PTPN21: variants seen among roughly 807,000 people sequenced by gnomAD.
PTPN21 encodes the protein protein tyrosine phosphatase non-receptor type 21, also known as tyrosine-protein phosphatase non-receptor type 21.
A neutral mutation model predicts 131.8 loss-of-function variants in PTPN21; 77 were observed. The ratio of observed to expected loss-of-function variants is 0.58; its 90% confidence interval spans 0.49 to 0.71. The LOEUF is 0.71. Ranked by LOEUF, PTPN21 falls within the 30% of genes least tolerant of loss-of-function variation. The pLI, the probability that PTPN21 is intolerant of heterozygous loss-of-function variation, is 0.00. For missense variants in PTPN21, 1,552 were observed against 1,527.1 expected (o/e 1.02, Z -0.27); for synonymous variants, 715 against 621.3 (o/e 1.15, Z -2.24).
intron 2 of PTPN21, among the ~76,000 whole-genome samples, chr14:88,533,384 T>C (rs2139342838): frequency 6.6e-6 from 1 of 152,336 alleles, no homozygotes; most frequent in African/African-American, 2.4e-5. Flanking sequence ...ATAGTGATGT[T>C]GTAGTTGCTA....
chr14:88,477,140 C>T (rs1213541606), intron 13 of PTPN21, among the ~76,000 whole-genome samples: 1 of 151,618 alleles, frequency 6.6e-6, no homozygotes, highest in Non-Finnish European at 1.5e-5. Flanking sequence ...TATCCTGAAT[C>T]ACTGCTCCCT....
In PTPN21 at chr14:88,479,893, C is replaced by G. The variant is rs1257576310; in HGVS notation, c.1538G>C (p.Ser513Thr). The G allele has an allele frequency of 1.3e-6, 2 of 1,592,114 alleles. No homozygotes were observed. The highest frequency in any genetic ancestry group is 1.3e-5 in the African/African-American group (1 of 74,902). Residue 513 changes from serine (S) to threonine (T), a missense_variant, in exon 13 of 19, where the codon AGC (serine) becomes ACC (threonine). Ser to Thr is a moderately conservative substitution (Grantham distance 58). Around this residue, in one of 4 missense-constraint regions of PTPN21, gnomAD observed 1,016 missense variants for 883.5 expected, o/e 1.15. Transcript: ENST00000556564. ...PSPAAAHCPF[S>T]LSYSFHSPSP... Reference sequence around the variant, plus strand: ...CGGGCTGTGGAAGCTGTAGCTCAGGCTGAACGGGCAGTGTGCGGCCGCTGG... The same window carrying G: ...CGGGCTGTGGAAGCTGTAGCTCAGGGTGAACGGGCAGTGTGCGGCCGCTGG...
At chr14:88,548,746 T>C (rs1172360992) in intron 2 of PTPN21, among the ~76,000 whole-genome samples, 9 of 152,150 alleles carry the variant, frequency 5.9e-5, no homozygotes, top group African/African-American at 1.9e-4. Flanking sequence ...AAGAACCAGG[T>C]AGCCAAAGGT....
chr14:88,479,168 G>A lies in PTPN21; in HGVS notation c.2263C>T (p.Leu755=), dbSNP rs1357156263. Residue 755 remains leucine (L), a synonymous_variant, in exon 13 of 19, where the codon CTG becomes TTG. Transcript: ENST00000556564. ...GCPRVLLAGP[L]HILEPKAHVP... ...TGGGCCTTGGGCTCCAGGATGTGCA[G>A]GGGCCCGGCGAGCAGGACGCGAGGG... The A allele has an allele frequency of 1.9e-6, 3 of 1,551,750 alleles. No homozygotes were observed. Among genetic ancestry groups the A allele is most frequent in the Non-Finnish European group, 1.7e-6 (2 of 1,152,740 alleles).
intron 2 of PTPN21, among the ~76,000 whole-genome samples, chr14:88,545,743 A>G (rs1244317072): frequency 6.6e-6 from 1 of 152,126 alleles, no homozygotes; most frequent in Admixed American, 6.5e-5. Context: ...CAGACGGATC[A>G]TGAGGTCAGG....
rs752786666 is a variant in PTPN21 at position 88,479,720 on chromosome 14, G to T, written c.1711C>A (p.Pro571Thr). The T allele has an allele frequency of 5.3e-6, 8 of 1,514,762 alleles. No individual in the cohort carries two copies. Among genetic ancestry groups the T allele is most frequent in the Admixed American group, 2.1e-5 (1 of 47,828 alleles). The allele number at this position is 1,514,762 out of a possible 1,614,324, so 93.8% of individuals were successfully genotyped here. ...QVYRPPPPYP[P>T]PRPANSTPDL... The stretch of plus-strand genomic sequence containing the variant: ...GGCGTGCTGTTGGCGGGCCTGGGGG[G>T]CGGGTAGGGTGGGGGTGGCCGGTAC... Residue 571 changes from proline to threonine, a missense_variant, in exon 13 of 19, where the codon CCC becomes ACC. Pro to Thr is a conservative substitution (Grantham distance 38). Transcript: ENST00000556564.
At chr14:88,539,244 C>T (rs575805475) in intron 2 of PTPN21, among the ~76,000 whole-genome samples, 14 of 145,748 alleles carry the variant, frequency 9.6e-5, no homozygotes, top group South Asian at 2.3e-4. Context: ...CCACCACGCC[C>T]GGTTAATTTT....
At chr14:88,473,944 C>T in intron 13 of PTPN21, 142 bp from the exon 14 acceptor site, 2 of 639,188 alleles carry the variant, frequency 3.1e-6, no homozygotes, top group East Asian at 3.0e-5. Flanking sequence ...CACTCCTTCA[C>T]ACACCACTTG....
chr14:88,523,936 A>G (rs1179722053), intron 2 of PTPN21, among the ~76,000 whole-genome samples: 3 of 152,230 alleles, frequency 2.0e-5, no homozygotes, highest in African/African-American at 7.2e-5. Flanking sequence ...GTGAAAAGGC[A>G]TATACTGAAC....
intron 2 of PTPN21, among the ~76,000 whole-genome samples, chr14:88,527,673 C>A (rs1463571162): frequency 6.6e-6 from 1 of 152,042 alleles, no homozygotes; most frequent in Non-Finnish European, 1.5e-5. Context: ...TAAATCTCAT[C>A]TATTTTTGTT....
rs774997589 is a variant in PTPN21, at chr14:88,479,583, C to T, written c.1848G>A (p.Ser616=). 26 of 1,592,712 alleles carry T rather than the reference C, an allele frequency of 1.6e-5. No individual in the cohort carries two copies. Among genetic ancestry groups the T allele is most frequent in the East Asian group, 1.3e-4 (6 of 44,702 alleles). Residue 616 remains serine (S), a synonymous_variant, in exon 13 of 19, where the codon TCG becomes TCA. Coordinates refer to ENST00000556564, the MANE Select transcript of PTPN21 (RefSeq NM_007039.4). ...TGAGGGGCTCGCTGACCTCCTGCAG[C>T]GAGTGCGCCACGGGCAGGCTGTCCT... ...FQEDSLPVAH[S]LQEVSEPLTA... is the part of the protein sequence containing the mutation.
chr14:88,500,820 C>T lies in PTPN21; in HGVS notation c.727G>A (p.Val243Met). 9 of 1,613,940 alleles carry T rather than the reference C, an allele frequency of 5.6e-6. No individual in the cohort carries two copies. Among genetic ancestry groups the T allele is most frequent in the Non-Finnish European group, 6.8e-6 (8 of 1,179,860 alleles). Residue 243 changes from valine to methionine, a missense_variant, in exon 8 of 19, where the codon GTG becomes ATG. By Grantham distance (21) the Val-to-Met change is conservative. Coordinates refer to ENST00000556564, the MANE Select transcript of PTPN21 (RefSeq NM_007039.4). The part of the protein sequence containing the change: ...SIGACLEGIF[V>M]KHKNGRHPVV... ...GGATGCCTTCCATTCTTGTGTTTCA[C>T]AAAGATACCTTCAAGACACGCTCCA... is the stretch of plus-strand genomic sequence containing the variant.
At chr14:88,518,025 T>C (rs1171395422) in intron 2 of PTPN21, among the ~76,000 whole-genome samples, 1 of 147,536 alleles carries the variant, frequency 6.8e-6, no homozygotes, top group African/African-American at 2.5e-5. Flanking sequence ...CCCCACTACA[T>C]TCCAGTGTCT....
Position 88,517,106 on chromosome 14 carries a change from C to T in PTPN21, c.336G>A (p.Gln112=), listed in dbSNP as rs2078283253. ...VFYVPSVSQL[Q]QEITRYQYYL... is the part of the protein sequence containing the mutation. Reference sequence around the variant, plus strand: ...TAATTTCTCACCTGGTAATCTCCTGCTGCAGCTGAGAAACTGAAGGCACAT... The same window carrying T: ...TAATTTCTCACCTGGTAATCTCCTGTTGCAGCTGAGAAACTGAAGGCACAT... Residue 112 remains glutamine (Q), a synonymous_variant, in exon 3 of 19, where the codon CAG becomes CAA. Transcript: ENST00000556564. 1 of 1,613,704 alleles carries T rather than the reference C, an allele frequency of 6.2e-7. No individual in the cohort carries two copies. The highest frequency in any genetic ancestry group is 1.3e-5 in the African/African-American group (1 of 74,912).
intron 2 of PTPN21, among the ~76,000 whole-genome samples, chr14:88,549,825 C>T (rs1016852385): frequency 6.6e-6 from 1 of 150,752 alleles, no homozygotes; most frequent in Non-Finnish European, 1.5e-5. Context: ...TGCAGTGGAG[C>T]GATCTCGGCT....
chr14:88,509,064 T>C (rs889820565), intron 3 of PTPN21, among the ~76,000 whole-genome samples: 2 of 152,092 alleles, frequency 1.3e-5, no homozygotes, highest in Non-Finnish European at 2.9e-5. Flanking sequence ...CAAATAATAA[T>C]ATATGTGAAG....
chr14:88,525,428 A>G (rs564441596), intron 2 of PTPN21, among the ~76,000 whole-genome samples: 1 of 152,300 alleles, frequency 6.6e-6, no homozygotes, highest in African/African-American at 2.4e-5. Flanking sequence ...TTTTGAAAAA[A>G]GATATGAATG....
rs1234970302 is a variant in PTPN21, at chr14:88,479,670, G to T, written c.1761C>A (p.Ile587=). The T allele has an allele frequency of 7.8e-7, 1 of 1,290,292 alleles. No individual in the cohort carries two copies. The highest frequency in any genetic ancestry group is 2.3e-5 in the Admixed American group (1 of 42,738). The allele number at this position is 1,290,292 out of a possible 1,614,324, so 79.9% of individuals were successfully genotyped here. ...STPDLSRHLY[I]SSSNPDLITR... ...TGATGAGGTCGGGGTTGCTGCTGCT[G>T]ATGTAAAGGTGGCGGGACAGGTCTG... Residue 587 remains isoleucine (I), a synonymous_variant, in exon 13 of 19, where the codon ATC becomes ATA. Coordinates refer to ENST00000556564, the MANE Select transcript of PTPN21 (RefSeq NM_007039.4).
At chr14:88,521,438 T>G (rs2078390597) in intron 2 of PTPN21, among the ~76,000 whole-genome samples, 3 of 152,006 alleles carry the variant, frequency 2.0e-5, no homozygotes, top group Admixed American at 1.3e-4. Flanking sequence ...GTTTCACTCT[T>G]GTTGCCCAGG....
Sources: allele counts gnomAD v4.1 joint callset (sites outside exome capture counted in the v4.1 genomes callset), GRCh38; gene constraint gnomAD v4.1.1; regional missense constraint gnomAD v4.1.1; transcripts MANE v1.5; gene names NCBI Gene and HGNC (gene_info 2026-07-23, HGNC 2026-07-21).